FLRT2: variants seen among roughly 807,000 people sequenced by gnomAD.
The protein encoded by FLRT2 is fibronectin leucine rich transmembrane protein 2.
A neutral mutation model predicts 40.0 loss-of-function variants in FLRT2; 15 were observed. That is an observed-to-expected ratio of 0.38 (90% CI 0.25 to 0.58). The LOEUF is 0.58. FLRT2 is among the 20% of genes least tolerant of loss of function. The probability of loss-of-function intolerance (pLI) is 0.71; values close to 1 mark genes in which losing one functional copy is unlikely to be tolerated. For synonymous variants in FLRT2, 380 were observed against 336.8 expected, an observed-to-expected ratio of 1.13 and a Z score of -1.41; for missense variants, 726 against 840.0, an observed-to-expected ratio of 0.86 and a Z score of 1.68.
At position 85,627,631 on chromosome 14, in the gene FLRT2, A is replaced by G. The variant is rs1893745987; in HGVS notation, c.*4134A>G. On this transcript the variant is annotated 3_prime_UTR_variant, in exon 2 of 2. Transcript: ENST00000330753. ...GGGCATTTGTAAAGGTGTCCCTGGAATGTAAGATTTATAATGTTTAAGGCA... is the reference window on the plus strand; with the variant it reads ...GGGCATTTGTAAAGGTGTCCCTGGAGTGTAAGATTTATAATGTTTAAGGCA... The G allele has an allele frequency of 6.0e-6, 1 of 166,992 alleles. No individual in the cohort carries two copies. The highest frequency in any genetic ancestry group is 6.6e-5 in the Admixed American group (1 of 15,264). The allele number at this position is 166,992 out of a possible 1,614,324, so 10.3% of individuals were successfully genotyped here. A position where few individuals can be genotyped will look rare whatever the true frequency, so the allele number is the denominator to read the frequency against.
intron 1 of FLRT2, among the ~76,000 whole-genome samples, chr14:85,607,355 A>G (rs1005721112): frequency 1.3e-5 from 2 of 152,184 alleles, no homozygotes; most frequent in South Asian, 2.1e-4. Context: ...AGTGATTTTT[A>G]GAGTCTGGGA....
At position 85,587,341 on chromosome 14, in the gene FLRT2, G is replaced by A. The variant is rs117483892; in HGVS notation, c.-376-33798G>A. On this transcript the variant is annotated intron_variant, in intron 1 of 1. Coordinates refer to ENST00000330753, the MANE Select transcript of FLRT2 (RefSeq NM_013231.6). ...GAGCTCATCTTGATCATTGTAATTG[G>A]CACTGACAGCAAACACCAGTGTGCC... Among the ~76,000 whole-genome samples, 3 of 151,084 alleles carry A rather than the reference G, an allele frequency of 2.0e-5. No homozygotes were observed. The South Asian group carries it at 6.3e-4, about 32-fold the overall frequency.
At chr14:85,536,222 T>G (rs1020235186) in intron 1 of FLRT2, among the ~76,000 whole-genome samples, 2 of 152,100 alleles carry the variant, frequency 1.3e-5, no homozygotes, top group Non-Finnish European at 2.9e-5. Flanking sequence ...TTTAGACAAC[T>G]TTATATTTTC....
chr14:85,598,289 G>A (rs1362925209), intron 1 of FLRT2, among the ~76,000 whole-genome samples: 1 of 152,210 alleles, frequency 6.6e-6, no homozygotes, highest in East Asian at 1.9e-4. Context: ...AATGACAGAG[G>A]AAGTGTTGGG....
Position 85,630,888 on chromosome 14 carries a change from A to G in FLRT2, c.*7391A>G, listed in dbSNP as rs1893850084. On this transcript the variant is annotated 3_prime_UTR_variant, in exon 2 of 2. Transcript: ENST00000330753. ...TTTTCTAATTTAGCCTTTCCAACAC[A>G]TTGAAGGACAAAGGGTAATCATAAT... 2 of 151,868 alleles carry G rather than the reference A, an allele frequency of 1.3e-5. No individual in the cohort carries two copies. Among genetic ancestry groups the G allele is most frequent in the African/African-American group, 2.4e-5 (1 of 41,300 alleles). 9.4% of individuals were successfully genotyped at this position (151,868 alleles called of 1,614,324 possible). A position where few individuals can be genotyped will look rare whatever the true frequency, so the allele number is the denominator to read the frequency against.
Position 85,634,718 on chromosome 14 carries a change from A to T in FLRT2, c.*11221A>T, listed in dbSNP as rs972610667. 6.6e-6 allele frequency: 1 copy of T among 152,304 alleles called. No individual in the cohort carries two copies. The highest frequency in any genetic ancestry group is 2.4e-5 in the African/African-American group (1 of 41,570). 9.4% of individuals were successfully genotyped at this position (152,304 alleles called of 1,614,324 possible). On this transcript the variant is annotated 3_prime_UTR_variant, in exon 2 of 2. Transcript: ENST00000330753. ...AATAACAACACTCACCTCAACAGTAACCATACTGCACAGTGCCTGACACAT... is the reference window on the plus strand; with the variant it reads ...AATAACAACACTCACCTCAACAGTATCCATACTGCACAGTGCCTGACACAT...
intron 1 of FLRT2, among the ~76,000 whole-genome samples, chr14:85,616,772 A>T (rs951872280): frequency 2.6e-5 from 4 of 152,030 alleles, no homozygotes; most frequent in Non-Finnish European, 4.4e-5. Flanking sequence ...TTCCCTGCCT[A>T]CTCATTTTTC....
At chr14:85,598,093 T>C (rs1281679726) in intron 1 of FLRT2, among the ~76,000 whole-genome samples, 1 of 152,230 alleles carries the variant, frequency 6.6e-6, no homozygotes, top group Middle Eastern at 3.2e-3. Context: ...TCACTTCATA[T>C]AGACACATCC....
At chr14:85,569,505 A>G (rs1302389956) in intron 1 of FLRT2, among the ~76,000 whole-genome samples, 2 of 152,210 alleles carry the variant, frequency 1.3e-5, no homozygotes, top group African/African-American at 2.4e-5. Flanking sequence ...CCCACACTGG[A>G]TGCATTCAAC....
intron 1 of FLRT2, among the ~76,000 whole-genome samples, chr14:85,593,054 T>A (rs1436980101): frequency 6.6e-6 from 1 of 152,228 alleles, no homozygotes; most frequent in African/African-American, 2.4e-5. Context: ...TACTGTACAC[T>A]AATCTCAATT....
chr14:85,637,583 C>T lies in FLRT2; in HGVS notation c.*14086C>T, dbSNP rs1275592946. 1 of 152,208 alleles carries T rather than the reference C, an allele frequency of 6.6e-6. No homozygotes were observed. The highest frequency in any genetic ancestry group is 1.5e-5 in the Non-Finnish European group (1 of 68,052). The allele number at this position is 152,208 out of a possible 1,614,324, so 9.4% of individuals were successfully genotyped here. Reference sequence around the variant, plus strand: ...CGGTAGAACTAAGTGATTTTCCATGCTCCTGCAATGACAGCAAATTTCCCC... The same window carrying T: ...CGGTAGAACTAAGTGATTTTCCATGTTCCTGCAATGACAGCAAATTTCCCC... On this transcript the variant is annotated 3_prime_UTR_variant, in exon 2 of 2. Coordinates refer to ENST00000330753, the MANE Select transcript of FLRT2 (RefSeq NM_013231.6).
chr14:85,555,270 G>T (rs1247664541), intron 1 of FLRT2, among the ~76,000 whole-genome samples: 1 of 152,136 alleles, frequency 6.6e-6, no homozygotes, highest in Non-Finnish European at 1.5e-5. Context: ...CCTAGAAGAT[G>T]TTACACATCA....
intron 1 of FLRT2, among the ~76,000 whole-genome samples, chr14:85,558,091 G>A (rs1272290004): frequency 6.6e-6 from 1 of 150,640 alleles, no homozygotes; most frequent in Non-Finnish European, 1.5e-5. Context: ...AGAAAGCACT[G>A]ATGATGTTGT....
rs1303740198 is a variant in FLRT2 at position 85,632,057 on chromosome 14, C to T, written c.*8560C>T. 1 of 152,094 alleles carries T rather than the reference C, an allele frequency of 6.6e-6. No homozygotes were observed. The highest frequency in any genetic ancestry group is 6.6e-5 in the Admixed American group (1 of 15,260). The allele number at this position is 152,094 out of a possible 1,614,324, so 9.4% of individuals were successfully genotyped here. The stretch of plus-strand genomic sequence containing the variant: ...GCCAGGCTAGTCTCGAACTCCTGAC[C>T]TCAGGTGATCCCCCCACCTAGGCCT... On this transcript the variant is annotated 3_prime_UTR_variant, in exon 2 of 2. Coordinates refer to ENST00000330753, the MANE Select transcript of FLRT2 (RefSeq NM_013231.6).
rs781639291 is a variant in FLRT2, at chr14:85,630,285, CTTTTTTTTTTTT to C, written c.*6799_*6810del. ...CATACCAATGGGTGATCATATCTGTCTTTTTTTTTTTTTTTTTTTTTTGGTATGAAGTCTAAA... is the reference window on the plus strand; with the variant it reads ...CATACCAATGGGTGATCATATCTGTCTTTTTTTTTTGGTATGAAGTCTAAA... On this transcript the variant is annotated 3_prime_UTR_variant, in exon 2 of 2. Transcript: ENST00000330753. The C allele has an allele frequency of 1.1e-5, 1 of 93,458 alleles. No homozygotes were observed. Among genetic ancestry groups the C allele is most frequent in the South Asian group, 4.3e-4 (1 of 2,304 alleles). The allele number at this position is 93,458 out of a possible 1,614,324, so 5.8% of individuals were successfully genotyped here.
chr14:85,601,985 G>T lies in FLRT2; in HGVS notation c.-376-19154G>T, dbSNP rs143472642. Among the ~76,000 whole-genome samples the T allele has an allele frequency of 1.5e-3, 234 of 152,208 alleles. 5 individuals carry two copies. Among genetic ancestry groups the T allele is most frequent in the East Asian group, 0.012 (62 of 5,164 alleles). On this transcript the variant is annotated intron_variant, in intron 1 of 1. Transcript: ENST00000330753. ...GTGTTCATTGTCTACCACCAACAAT[G>T]ATTATTGATCTGTATGAAGGAGCAG...
chr14:85,643,311 CTTTCTTTCTTT>C lies in FLRT2; in HGVS notation c.*19815_*19825del, dbSNP rs1566774417. ...CTTTTTTTTCTTTCTTTCTTTCTTT[CTTTCTTTCTTT>C]CTTTCTTTCTTTCTTTCTTTCTTTC... On this transcript the variant is annotated 3_prime_UTR_variant, in exon 2 of 2. Coordinates refer to ENST00000330753, the MANE Select transcript of FLRT2 (RefSeq NM_013231.6). 1 of 98,626 alleles carries C rather than the reference CTTTCTTTCTTT, an allele frequency of 1.0e-5. No homozygotes were observed. The highest frequency in any genetic ancestry group is 3.2e-4 in the East Asian group (1 of 3,142). 6.1% of individuals were successfully genotyped at this position (98,626 alleles called of 1,614,324 possible).
rs191016870 is a variant in FLRT2, at chr14:85,617,912, A to G, written c.-376-3227A>G. On this transcript the variant is annotated intron_variant, in intron 1 of 1. Coordinates refer to ENST00000330753, the MANE Select transcript of FLRT2 (RefSeq NM_013231.6). ...TATATGAACAGTGACAGTTTGCCCC[A>G]TGTAATCTTATTAGGAGCTTTCTTC... is the stretch of plus-strand genomic sequence containing the variant. 2.0e-3 allele frequency among the ~76,000 whole-genome samples: 308 copies of G among 152,342 alleles called. 2 individuals are homozygous for G. Among genetic ancestry groups the G allele is most frequent in the Non-Finnish European group, 2.4e-3 (164 of 68,030 alleles).
chr14:85,599,905 G>A (rs922238012), intron 1 of FLRT2, among the ~76,000 whole-genome samples: 5 of 152,038 alleles, frequency 3.3e-5, no homozygotes, highest in South Asian at 2.1e-4. Flanking sequence ...TACAGCCATG[G>A]AAATGTTAAA....
Sources: gnomAD v4.1 joint callset for allele counts (sites outside exome capture counted in the v4.1 genomes callset) on GRCh38, gnomAD v4.1.1 for gene constraint, MANE v1.5 for transcripts, NCBI Gene and HGNC (gene_info 2026-07-23, HGNC 2026-07-21) for gene names.